Variants in SYNPO2 observed in about 807,000 individuals in gnomAD.
SYNPO2 encodes the protein synaptopodin-2.
A neutral mutation model predicts 85.0 loss-of-function variants in SYNPO2; 56 were observed. The observed-to-expected ratio is 0.66, with a 90% CI of 0.53 to 0.82. The LOEUF is 0.82. Ranked by LOEUF, SYNPO2 falls within the 40% of genes least tolerant of loss-of-function variation. The pLI is 0.00. For missense variants in SYNPO2, 1,575 were observed against 1,534.2 expected (o/e 1.03, Z -0.44); for synonymous variants, 602 against 591.1 (o/e 1.02, Z -0.27).
chr4:118,986,443 T>A (rs972953), intron 1 of SYNPO2, among the ~76,000 whole-genome samples: 129,894 of 152,196 alleles, frequency 0.85, 55,520 homozygotes, highest in Middle Eastern at 0.94. Context: ...AGAATGTTCT[T>A]TGGGTTAGGT....
chr4:118,883,251 T>G (rs1447117672), intron 1 of SYNPO2, among the ~76,000 whole-genome samples: 1 of 152,136 alleles, frequency 6.6e-6, no homozygotes, highest in Admixed American at 6.5e-5. Context: ...CTCCAAAAAT[T>G]TTTACCATTT....
chr4:118,878,565 C>T (rs1339641351), intron 1 of SYNPO2, among the ~76,000 whole-genome samples: 7 of 152,060 alleles, frequency 4.6e-5, no homozygotes, highest in Non-Finnish European at 1.0e-4. Context: ...CTGTGTCTAG[C>T]TAAAGGTTTG....
At chr4:118,996,905 A>G (rs942620470) in intron 1 of SYNPO2, among the ~76,000 whole-genome samples, 3 of 149,932 alleles carry the variant, frequency 2.0e-5, no homozygotes, top group African/African-American at 4.9e-5. Context: ...ATAAATGTCC[A>G]TTTGCAAGCA....
At chr4:119,057,295 A>ATTTTTT (rs1247026746) in intron 4 of SYNPO2, 106 bp from the exon 5 acceptor site, 1 of 1,162,996 alleles carries the variant, frequency 8.6e-7, no homozygotes, top group African/African-American at 1.6e-5. Flanking sequence ...TTTTATTTTT[A>ATTTTTT]TTTTTTATTT....
rs141031760 is a variant in SYNPO2 at position 118,879,256 on chromosome 4, C to A, written c.12+28316C>A. Among the ~76,000 whole-genome samples the A allele has an allele frequency of 3.2e-3, 481 of 152,306 alleles. 5 individuals carry two copies. Among genetic ancestry groups the A allele is most frequent in the African/African-American group, 0.011 (473 of 41,548 alleles). ...GTTGAAGTCAGGGAGACCATGAACC[C>A]ACTGGAATGAACCAATTCTGAACAC... On this transcript the variant is annotated intron_variant, in intron 1 of 4. Transcript: ENST00000610556.
chr4:118,955,496 G>C (rs1734843553), intron 1 of SYNPO2, among the ~76,000 whole-genome samples: 1 of 152,172 alleles, frequency 6.6e-6, no homozygotes, highest in Non-Finnish European at 1.5e-5. Flanking sequence ...CTGTGGATTG[G>C]GGTAATCAGG....
rs191995791 is a variant in SYNPO2, at chr4:118,942,414, A to G, written c.105+53273A>G. 2.8e-3 allele frequency among the ~76,000 whole-genome samples: 423 copies of G among 152,342 alleles called. 2 individuals carry two copies. Among genetic ancestry groups the G allele is most frequent in the Middle Eastern group, 0.01 (3 of 294 alleles). On this transcript the variant is annotated intron_variant, in intron 1 of 4. Transcript: ENST00000307142. ...GCTCAGTAAATATTGACTGAATGAA[A>G]GAATGAATGGACAGCTTTCTATCTT... is the stretch of plus-strand genomic sequence containing the variant.
intron 2 of SYNPO2, among the ~76,000 whole-genome samples, chr4:119,026,412 G>C (rs1233099929): frequency 1.3e-5 from 2 of 152,146 alleles, no homozygotes; most frequent in Non-Finnish European, 2.9e-5. Flanking sequence ...TTGTGTAAGA[G>C]TTTCTTTGTG....
chr4:119,050,286 C>T lies in SYNPO2; in HGVS notation c.3253-7115C>T, dbSNP rs533228765. 3.3e-5 allele frequency among the ~76,000 whole-genome samples: 5 copies of T among 151,840 alleles called. No individual in the cohort carries two copies. In the East Asian group the frequency reaches 5.8e-4, roughly 18 times the overall value. ...GGCAGAGGTTGCAGTGAGCCAGGAT[C>T]GCCCCACTGTACTCCAACCTGGGTG... On this transcript the variant is annotated intron_variant, in intron 4 of 4. Transcript: ENST00000307142.
chr4:118,892,680 AT>A (rs1356179343), intron 1 of SYNPO2, among the ~76,000 whole-genome samples: 4 of 152,184 alleles, frequency 2.6e-5, no homozygotes, highest in Non-Finnish European at 2.9e-5. Context: ...TAAGAAAAAA[AT>A]GTTCAGACTG....
At chr4:118,895,592 G>T (rs1362226592) in intron 1 of SYNPO2, among the ~76,000 whole-genome samples, 5 of 152,120 alleles carry the variant, frequency 3.3e-5, no homozygotes, top group African/African-American at 1.2e-4. Context: ...AAGCCCATTG[G>T]TTCATCAAGA....
chr4:118,857,480 T>C (rs1472592209), intron 1 of SYNPO2, among the ~76,000 whole-genome samples: 1 of 152,180 alleles, frequency 6.6e-6, no homozygotes, highest in East Asian at 1.9e-4. Context: ...AGTAGATGGA[T>C]TGCATTTGTC....
chr4:118,993,892 G>A (rs1736493872), intron 1 of SYNPO2, among the ~76,000 whole-genome samples: 1 of 152,208 alleles, frequency 6.6e-6, no homozygotes, highest in Admixed American at 6.5e-5. Flanking sequence ...TTATGATGCT[G>A]GAAGCACGGA....
chr4:118,875,745 C>T (rs1731893535), intron 1 of SYNPO2, among the ~76,000 whole-genome samples: 1 of 152,182 alleles, frequency 6.6e-6, no homozygotes, highest in Non-Finnish European at 1.5e-5. Context: ...CCTCCACTAC[C>T]CAAATACTTA....
chr4:119,007,237 T>TGTATATACATATATATATATGTATATAC (rs1560971985), intron 1 of SYNPO2, among the ~76,000 whole-genome samples: 2 of 52,704 alleles, frequency 3.8e-5, no homozygotes, highest in Non-Finnish European at 7.0e-5. Context: ...TATATATATA[T>TGTATATACATATATATATATGTATATAC]ATATATATGT....
At position 118,998,448 on chromosome 4, in the gene SYNPO2, T is replaced by TA. The variant is rs1385090758; in HGVS notation, c.106-24982_106-24981insA. On this transcript the variant is annotated intron_variant, in intron 1 of 4. Coordinates refer to ENST00000307142, the MANE Select transcript of SYNPO2 (RefSeq NM_133477.3). ...GATGAGAAAATTAATCATGAAAACT[T>TA]TAAAAAATTGTAATTCTTGCTTCTT... Among the ~76,000 whole-genome samples, 11 of 152,314 alleles carry TA rather than the reference T, an allele frequency of 7.2e-5. No individual in the cohort carries two copies. In the Middle Eastern group the frequency reaches 0.01, roughly 141 times the overall value.
intron 4 of SYNPO2, chr4:119,037,435 G>C: frequency 8.9e-7 from 1 of 1,129,438 alleles, no homozygotes; most frequent in Non-Finnish European, 1.1e-6. Context: ...CTTCTTGGAA[G>C]TAAATAACAA....
chr4:118,984,195 C>T (rs1181219414), intron 1 of SYNPO2, among the ~76,000 whole-genome samples: 1 of 152,160 alleles, frequency 6.6e-6, no homozygotes, highest in East Asian at 1.9e-4. Context: ...CCTTTCCATA[C>T]AAAAGAAACT....
chr4:119,054,330 C>A (rs1739142636), intron 4 of SYNPO2, among the ~76,000 whole-genome samples: 1 of 152,126 alleles, frequency 6.6e-6, no homozygotes, highest in Non-Finnish European at 1.5e-5. Context: ...GGGTGGCTGC[C>A]CTTCATCCGT....
Sources: allele counts gnomAD v4.1 joint callset (sites outside exome capture counted in the v4.1 genomes callset), GRCh38; gene constraint gnomAD v4.1.1; transcripts MANE v1.5; gene names NCBI Gene and HGNC (gene_info 2026-07-23, HGNC 2026-07-21).